Variants in EDIL3 observed in about 807,000 individuals in gnomAD.
The protein encoded by EDIL3 is EGF-like repeat and discoidin I-like domain-containing protein 3.
In EDIL3, 37 loss-of-function variants were observed where a neutral mutation model predicts 67.4. That is an observed-to-expected ratio of 0.55 (90% CI 0.42 to 0.72). The LOEUF (loss-of-function observed/expected upper bound fraction) is 0.72, where lower values mean the gene tolerates loss of function less well. Among genes scored for constraint, EDIL3 ranks in the 30% least tolerant of loss-of-function variants. The probability of loss-of-function intolerance (pLI) is 0.00; values close to 1 mark genes in which losing one functional copy is unlikely to be tolerated. For missense variants in EDIL3, 527 were observed against 586.3 expected (o/e 0.90, Z 1.04); for synonymous variants, 195 against 196.3 (o/e 0.99, Z 0.05).
At chr5:84,117,025 T>TTATTTA (rs1747678649) in intron 5 of EDIL3, among the ~76,000 whole-genome samples, 5 of 124,356 alleles carry the variant, frequency 4.0e-5, no homozygotes, top group African/African-American at 1.7e-4. Flanking sequence ...TACTTATTTT[T>TTATTTA]TTTTTTTTTT....
chr5:84,343,871 C>T (rs1353662467), intron 1 of EDIL3, among the ~76,000 whole-genome samples: 3 of 152,044 alleles, frequency 2.0e-5, no homozygotes, highest in Non-Finnish European at 4.4e-5. Context: ...AAACTCCTGT[C>T]TGCATTACCA....
intron 1 of EDIL3, among the ~76,000 whole-genome samples, chr5:84,379,434 A>G (rs530301236): frequency 6.6e-6 from 1 of 152,192 alleles, no homozygotes; most frequent in Non-Finnish European, 1.5e-5. Flanking sequence ...ACACTTTACC[A>G]TAATGACAAA....
At chr5:84,343,814 A>G (rs892210438) in intron 1 of EDIL3, among the ~76,000 whole-genome samples, 1 of 152,078 alleles carries the variant, frequency 6.6e-6, no homozygotes, top group Non-Finnish European at 1.5e-5. Flanking sequence ...AGAAGTATGC[A>G]CTTCTCTGCT....
At chr5:83,953,985 C>T (rs183705949) in intron 10 of EDIL3, among the ~76,000 whole-genome samples, 45 of 151,732 alleles carry the variant, frequency 3.0e-4, no homozygotes, top group Non-Finnish European at 3.8e-4. Context: ...TTATAGTTTC[C>T]CATAAACATG....
intron 1 of EDIL3, among the ~76,000 whole-genome samples, chr5:84,342,695 A>G (rs1222897578): frequency 2.0e-5 from 3 of 152,002 alleles, no homozygotes; most frequent in African/African-American, 7.2e-5. Context: ...TGTTTTGGCC[A>G]TGAGAGGTGA....
chr5:83,994,380 CTT>C (rs34951042), intron 9 of EDIL3, among the ~76,000 whole-genome samples: 76 of 143,786 alleles, frequency 5.3e-4, no homozygotes, highest in East Asian at 8.0e-4. Flanking sequence ...TTTCACAAGG[CTT>C]TTTTTTTTTT....
intron 3 of EDIL3, among the ~76,000 whole-genome samples, chr5:84,198,742 G>A (rs1270628096): frequency 3.0e-5 from 3 of 99,634 alleles, no homozygotes; most frequent in African/African-American, 1.4e-4. Context: ...TTATGAAATG[G>A]GGTCTCACAT....
rs568171158 is a variant in EDIL3 at position 84,222,095 on chromosome 5, A to G, written c.226+7760T>C. 3.9e-5 allele frequency among the ~76,000 whole-genome samples: 6 copies of G among 152,110 alleles called. No homozygotes were observed. In the East Asian group the frequency reaches 1.2e-3, roughly 29 times the overall value. ...AGAAAGAAATCTAAAAGATATCTGT[A>G]GCATGGGTAAGAAAATAAAAAATTC... On this transcript the variant is annotated intron_variant, in intron 3 of 10. Coordinates refer to ENST00000296591, the MANE Select transcript of EDIL3 (RefSeq NM_005711.5).
chr5:84,133,896 A>G (rs1748042482), intron 5 of EDIL3, among the ~76,000 whole-genome samples: 1 of 152,134 alleles, frequency 6.6e-6, no homozygotes, highest in African/African-American at 2.4e-5. Flanking sequence ...AATTATTTAA[A>G]TCAGAAATAT....
At chr5:84,020,108 CT>C (rs201470583) in intron 9 of EDIL3, among the ~76,000 whole-genome samples, 2,028 of 139,108 alleles carry the variant, frequency 0.015, 20 homozygotes, top group Non-Finnish European at 0.024. Flanking sequence ...AAACAAAACA[CT>C]TTCCTTTTCT....
chr5:83,978,593 T>C (rs748033954), intron 9 of EDIL3, among the ~76,000 whole-genome samples: 3 of 151,872 alleles, frequency 2.0e-5, no homozygotes, highest in African/African-American at 7.2e-5. Flanking sequence ...CCGCCTAAGA[T>C]TAACCCTTAA....
rs114195729 is a variant in EDIL3, at chr5:83,973,706, G to T, written c.1138-10346C>A. 9.2e-3 allele frequency among the ~76,000 whole-genome samples: 1,402 copies of T among 152,124 alleles called. 16 individuals are homozygous for T. The highest frequency in any genetic ancestry group is 0.032 in the African/African-American group (1,338 of 41,548). On this transcript the variant is annotated intron_variant, in intron 9 of 10. Transcript: ENST00000296591. Reference sequence around the variant, plus strand: ...GTAAAGCCATTATATAAAGACTGGTGTTTCCAAACACAAAACATCTATATA... The same window carrying T: ...GTAAAGCCATTATATAAAGACTGGTTTTTCCAAACACAAAACATCTATATA...
intron 4 of EDIL3, among the ~76,000 whole-genome samples, chr5:84,160,965 C>A (rs999130443): frequency 6.6e-6 from 1 of 151,754 alleles, no homozygotes; most frequent in African/African-American, 2.4e-5. Context: ...GTGTACAGTA[C>A]CCATTATGTA....
chr5:84,054,565 A>G (rs1222400755), intron 9 of EDIL3, among the ~76,000 whole-genome samples: 4 of 151,958 alleles, frequency 2.6e-5, no homozygotes, highest in Non-Finnish European at 2.9e-5. Context: ...AAACCCTATC[A>G]TCTCAGCCCA....
At chr5:84,334,569 C>G (rs1368574930) in intron 1 of EDIL3, among the ~76,000 whole-genome samples, 1 of 152,004 alleles carries the variant, frequency 6.6e-6, no homozygotes, top group African/African-American at 2.4e-5. Context: ...AGATACATAC[C>G]TATTGATGAC....
intron 2 of EDIL3, among the ~76,000 whole-genome samples, chr5:84,236,095 T>C (rs950866986): frequency 6.6e-6 from 1 of 152,058 alleles, no homozygotes; most frequent in Non-Finnish European, 1.5e-5. Flanking sequence ...TACCAGTGCA[T>C]TTGTGATTCT....
At chr5:84,174,237 A>G (rs917275495) in intron 4 of EDIL3, among the ~76,000 whole-genome samples, 1 of 152,180 alleles carries the variant, frequency 6.6e-6, no homozygotes, top group Non-Finnish European at 1.5e-5. Context: ...AGAGATGGCA[A>G]GGGCAGGCAC....
chr5:84,309,792 C>T lies in EDIL3; in HGVS notation c.68-55580G>A, dbSNP rs991539336. Among the ~76,000 whole-genome samples the T allele has an allele frequency of 3.3e-4, 50 of 152,006 alleles. 1 individual carries two copies. The highest frequency in any genetic ancestry group is 4.4e-4 in the Non-Finnish European group (30 of 68,018). On this transcript the variant is annotated intron_variant, in intron 1 of 10. Coordinates refer to ENST00000296591, the MANE Select transcript of EDIL3 (RefSeq NM_005711.5). ...AAGTCTTTGCTATTGTGAATAGTGC[C>T]GCAATAAACACGTGTGCATGTGTCT... is the stretch of plus-strand genomic sequence containing the variant.
rs570776190 is a variant in EDIL3 at position 84,049,965 on chromosome 5, C to T, written c.1137+10335G>A. Reference sequence around the variant, plus strand: ...CTGTAATCCCAGCACTTTGGGAGGCCGAGACGGGTGGATCATGAGGTCAGG... The same window carrying T: ...CTGTAATCCCAGCACTTTGGGAGGCTGAGACGGGTGGATCATGAGGTCAGG... On this transcript the variant is annotated intron_variant, in intron 9 of 10. Coordinates refer to ENST00000296591, the MANE Select transcript of EDIL3 (RefSeq NM_005711.5). Among the ~76,000 whole-genome samples, 149 of 151,750 alleles carry T rather than the reference C, an allele frequency of 9.8e-4. 1 individual carries two copies. In the South Asian group the frequency reaches 0.024, roughly 24 times the overall value.
Sources: allele counts gnomAD v4.1 joint callset (sites outside exome capture counted in the v4.1 genomes callset), GRCh38; gene constraint gnomAD v4.1.1; transcripts MANE v1.5; gene names NCBI Gene and HGNC (gene_info 2026-07-23, HGNC 2026-07-21).